The following RNF180 variants were observed in gnomAD, a reference collection of about 807,000 sequenced individuals.
RNF180 encodes the protein ring finger protein 180, also known as E3 ubiquitin-protein ligase RNF180.
RNF180 carries 38 observed loss-of-function variants against 59.2 expected under a neutral mutation model. The observed-to-expected ratio is 0.64, with a 90% confidence interval of 0.50 to 0.84. RNF180 has a LOEUF of 0.84. Among genes scored for constraint, RNF180 ranks in the 40% least tolerant of loss-of-function variants. RNF180 has a pLI of 0.00. For synonymous variants in RNF180, 262 were observed against 240.3 expected (o/e 1.09, Z -0.84); for missense variants, 705 against 700.9 (o/e 1.01, Z -0.07).
chr5:64,283,456 A>G (rs1010842372), intron 5 of RNF180, among the ~76,000 whole-genome samples: 5 of 151,938 alleles, frequency 3.3e-5, no homozygotes, highest in Non-Finnish European at 5.9e-5. Flanking sequence ...TAATTAGGGC[A>G]TTTAGCTTGT....
chr5:64,246,955 A>G (rs972677563), intron 5 of RNF180, among the ~76,000 whole-genome samples: 2 of 152,238 alleles, frequency 1.3e-5, no homozygotes, highest in Non-Finnish European at 2.9e-5. Flanking sequence ...CTGGTTCAAC[A>G]TATGCAAATT....
intron 7 of RNF180, among the ~76,000 whole-genome samples, chr5:64,341,138 A>T (rs1370147874): frequency 6.6e-6 from 1 of 152,196 alleles, no homozygotes; most frequent in African/African-American, 2.4e-5. Context: ...TGCATTAAAA[A>T]TTCAACCAGT....
At chr5:64,279,626 T>G (rs1580169888) in intron 5 of RNF180, among the ~76,000 whole-genome samples, 1 of 152,156 alleles carries the variant, frequency 6.6e-6, no homozygotes, top group Non-Finnish European at 1.5e-5. Context: ...GGCTAATGGG[T>G]GTCTTTTATT....
chr5:64,245,857 A>G (rs1743121662), intron 5 of RNF180, among the ~76,000 whole-genome samples: 1 of 152,206 alleles, frequency 6.6e-6, no homozygotes, highest in Non-Finnish European at 1.5e-5. Context: ...AATCGACCAC[A>G]TAATTGGAAG....
At chr5:64,166,800 T>G (rs73100355) in intron 1 of RNF180, among the ~76,000 whole-genome samples, 1 of 152,174 alleles carries the variant, frequency 6.6e-6, no homozygotes, top group Non-Finnish European at 1.5e-5. Flanking sequence ...TCAATCCTTG[T>G]GGAATCTGTG....
intron 1 of RNF180, among the ~76,000 whole-genome samples, chr5:64,192,903 G>GTGTGTGTGTATATATATATATATATA (rs1486448173): frequency 1.1e-5 from 1 of 93,870 alleles, no homozygotes; most frequent in African/African-American, 4.1e-5. Context: ...AGTGTGGCAT[G>GTGTGTGTGTATATATATATATATATA]TATATATATA....
At chr5:64,258,621 CAT>C (rs1744132438) in intron 5 of RNF180, among the ~76,000 whole-genome samples, 1 of 152,070 alleles carries the variant, frequency 6.6e-6, no homozygotes, top group South Asian at 2.1e-4. Context: ...GAATGCTAGA[CAT>C]ATTGAGATTG....
At chr5:64,218,406 G>A (rs1752747262) in intron 5 of RNF180, among the ~76,000 whole-genome samples, 1 of 152,140 alleles carries the variant, frequency 6.6e-6, no homozygotes, top group East Asian at 1.9e-4. Context: ...TGCATTTGCA[G>A]CTTTGTCAAA....
rs753769536 is a variant in RNF180, at chr5:64,292,162, G to A, written c.1228-33024G>A. On this transcript the variant is annotated intron_variant, in intron 5 of 7. Transcript: ENST00000389100. Reference sequence around the variant, plus strand: ...AGCCATCTCTGCCTCAGCCCAGTTCGTGCCCTTGCTGGTAAGGTGCTGCGG... The same window carrying A: ...AGCCATCTCTGCCTCAGCCCAGTTCATGCCCTTGCTGGTAAGGTGCTGCGG... Among the ~76,000 whole-genome samples, 7 of 152,088 alleles carry A rather than the reference G, an allele frequency of 4.6e-5. No homozygotes were observed. The South Asian group carries it at 6.2e-4, about 14-fold the overall frequency.
intron 1 of RNF180, among the ~76,000 whole-genome samples, chr5:64,185,848 A>G (rs1475449126): frequency 1.3e-5 from 2 of 152,248 alleles, no homozygotes; most frequent in Admixed American, 1.3e-4. Flanking sequence ...TAAGTACAAC[A>G]TAAAGGCATA....
intron 1 of RNF180, among the ~76,000 whole-genome samples, chr5:64,177,513 G>A (rs1288541178): frequency 1.9e-5 from 2 of 104,492 alleles, no homozygotes; most frequent in South Asian, 3.5e-4. Flanking sequence ...TTTTTCAAAG[G>A]CATAAATTAT....
Position 64,325,228 on chromosome 5 carries a change from G to A in RNF180, c.1270G>A (p.Ala424Thr), listed in dbSNP as rs1207520816. ...EMSTDEDNEY[A>T]EEKDSYICAV... Reference sequence around the variant, plus strand: ...GAGTACAGATGAAGACAATGAATATGCAGAAGAAAAGGATAGCTACATCTG... The same window carrying A: ...GAGTACAGATGAAGACAATGAATATACAGAAGAAAAGGATAGCTACATCTG... The change falls in exon 6 of 8, where the codon GCA becomes ACA. Residue 424 changes from alanine (A) to threonine (T), a missense_variant. Transcript: ENST00000389100. The A allele has an allele frequency of 1.9e-6, 3 of 1,551,304 alleles. No individual in the cohort carries two copies. In the African/African-American group the frequency reaches 4.1e-5, roughly 21 times the overall value.
At chr5:64,286,854 C>G (rs958205748) in intron 5 of RNF180, among the ~76,000 whole-genome samples, 2 of 152,146 alleles carry the variant, frequency 1.3e-5, no homozygotes, top group African/African-American at 2.4e-5. Context: ...AAAACAAGAC[C>G]TGTTCATCAC....
chr5:64,259,758 A>G (rs773841462), intron 5 of RNF180, among the ~76,000 whole-genome samples: 1 of 152,004 alleles, frequency 6.6e-6, no homozygotes, highest in Non-Finnish European at 1.5e-5. Flanking sequence ...CCCCATCTCT[A>G]CTAAAATACA....
chr5:64,230,559 G>A lies in RNF180; in HGVS notation c.1227+13163G>A, dbSNP rs535287178. On this transcript the variant is annotated intron_variant, in intron 5 of 7. Coordinates refer to ENST00000389100, the MANE Select transcript of RNF180 (RefSeq NM_001113561.2). ...ATTTAAGGACCCTGTGATTACACTT[G>A]GACCCACCCACTTCAATCATGATAA... Among the ~76,000 whole-genome samples the A allele has an allele frequency of 2.6e-5, 4 of 152,266 alleles. No individual in the cohort carries two copies. In the South Asian group the frequency reaches 8.3e-4, roughly 32 times the overall value.
At chr5:64,344,863 G>A (rs559453373) in intron 7 of RNF180, among the ~76,000 whole-genome samples, 20 of 152,032 alleles carry the variant, frequency 1.3e-4, no homozygotes, top group African/African-American at 4.6e-4. Context: ...AATGGACTGA[G>A]ACTTCCAGTC....
intron 5 of RNF180, among the ~76,000 whole-genome samples, chr5:64,238,069 C>T (rs142874177): frequency 2.5e-4 from 38 of 152,242 alleles, no homozygotes; most frequent in Non-Finnish European, 4.7e-4. Flanking sequence ...TTTTAGATAC[C>T]TCATATAAGT....
At chr5:64,200,263 T>C (rs1477309271) in intron 1 of RNF180, among the ~76,000 whole-genome samples, 3 of 152,032 alleles carry the variant, frequency 2.0e-5, no homozygotes, top group Non-Finnish European at 2.9e-5. Flanking sequence ...CAAGACCCTG[T>C]CTCTACAGAA....
chr5:64,227,178 A>T (rs563466710), intron 5 of RNF180, among the ~76,000 whole-genome samples: 2 of 152,324 alleles, frequency 1.3e-5, no homozygotes, highest in South Asian at 4.1e-4. Context: ...GACTTGCAGG[A>T]GGCCCTGGGA....
Sources: allele counts gnomAD v4.1 joint callset (sites outside exome capture counted in the v4.1 genomes callset), GRCh38; gene constraint gnomAD v4.1.1; transcripts MANE v1.5; gene names NCBI Gene and HGNC (gene_info 2026-07-23, HGNC 2026-07-21).